OGDHL: variants seen among roughly 807,000 people sequenced by gnomAD.
OGDHL encodes oxoglutarate dehydrogenase L, also known as 2-oxoglutarate dehydrogenase-like, mitochondrial.
In OGDHL, 79 loss-of-function variants were observed where a neutral mutation model predicts 109.6. The ratio of observed to expected loss-of-function variants is 0.72; its 90% CI spans 0.60 to 0.87. The LOEUF (loss-of-function observed/expected upper bound fraction) is 0.87. Ranked by LOEUF, OGDHL falls within the 40% of genes least tolerant of loss-of-function variation. OGDHL has a pLI of 0.00. For synonymous variants in OGDHL, 528 were observed against 537.2 expected (o/e 0.98, Z 0.24); for missense variants, 1,275 against 1,362.2 (o/e 0.94, Z 1.01).
At position 49,742,915 on chromosome 10, in the gene OGDHL, A is replaced by G; in HGVS notation, c.1925T>C (p.Leu642Ser). Residue 642 changes from leucine to serine, a missense_variant, in exon 15 of 23, where the codon TTG becomes TCG. Coordinates refer to ENST00000374103, the MANE Select transcript of OGDHL (RefSeq NM_018245.3). ...MTKNRTVDWALAEYMAFGSLL... is the reference protein window; with the variant it reads ...MTKNRTVDWASAEYMAFGSLL... ...GGAGCCAAAGGCCATGTACTCTGCCAACGCCCAGTCCACCGTCCGGTTCTT... is the reference window on the plus strand; with the variant it reads ...GGAGCCAAAGGCCATGTACTCTGCCGACGCCCAGTCCACCGTCCGGTTCTT... The G allele has an allele frequency of 6.2e-7, 1 of 1,614,060 alleles. No individual in the cohort carries two copies.
chr10:49,751,050 C>T, intron 6 of OGDHL, 65 bp from the exon 7 acceptor site: 1 of 1,452,484 alleles, frequency 6.9e-7, no homozygotes, highest in Non-Finnish European at 9.4e-7. Flanking sequence ...CTGGGGCTCA[C>T]AGGGGCTGTT....
At chr10:49,743,086 T>C in intron 14 of OGDHL, 108 bp from the exon 15 acceptor site, 1 of 1,405,446 alleles carries the variant, frequency 7.1e-7, no homozygotes, top group South Asian at 1.4e-5. Flanking sequence ...CATCTGTTGA[T>C]TTGGTTGGAG....
At chr10:49,738,343 G>GTA in intron 17 of OGDHL, 81 bp from the exon 18 acceptor site, 2 of 1,493,740 alleles carry the variant, frequency 1.3e-6, no homozygotes, top group Non-Finnish European at 1.8e-6. Flanking sequence ...CAGGCTCAGG[G>GTA]GAAAGTCTGG....
chr10:49,747,813 C>T (rs969268942), intron 8 of OGDHL, among the ~76,000 whole-genome samples: 2 of 152,076 alleles, frequency 1.3e-5, no homozygotes, highest in Non-Finnish European at 2.9e-5. Flanking sequence ...ATGTACAAAA[C>T]GCTTTTACAA....
chr10:49,759,512 G>A (rs945941694), intron 1 of OGDHL, among the ~76,000 whole-genome samples: 9 of 48,934 alleles, frequency 1.8e-4, no homozygotes, highest in Admixed American at 2.4e-4. Flanking sequence ...TTCCGCAGAC[G>A]GTAAGAGTTC....
At chr10:49,735,391 A>C (rs959945610) in intron 22 of OGDHL, 40 bp from the exon 23 acceptor site, 1 of 1,599,950 alleles carries the variant, frequency 6.3e-7, no homozygotes, top group Non-Finnish European at 8.5e-7. Context: ...GGCGGGGCCT[A>C]GCCGCCCCCC....
intron 17 of OGDHL, chr10:49,738,961 A>G (rs1343289086): frequency 6.5e-6 from 1 of 152,988 alleles, no homozygotes; most frequent in African/African-American, 2.4e-5. Context: ...GGCAGCCCCA[A>G]GCAGGGAGCC....
intron 10 of OGDHL, 95 bp downstream of exon 10, chr10:49,746,655 C>G (rs1842204576): frequency 6.6e-7 from 1 of 1,513,052 alleles, no homozygotes; most frequent in Admixed American, 1.8e-5. Flanking sequence ...GCAGTGGGCT[C>G]AGAGCCAGGA....
rs372150856 is a variant in OGDHL at position 49,739,890 on chromosome 10, T to C, written c.2141-51A>G. ...GCTGCACACAGTCACCAAGTGGCAG[T>C]GGCTCCAGTCAAATTTAGCCTTTCT... On this transcript the variant is annotated intron_variant, in intron 16 of 22. Coordinates refer to ENST00000374103, the MANE Select transcript of OGDHL (RefSeq NM_018245.3). The C allele has an allele frequency of 3.7e-5, 58 of 1,567,012 alleles. No individual in the cohort carries two copies. In the African/African-American group the frequency reaches 7.0e-4, roughly 19 times the overall value.
intron 7 of OGDHL, 70 bp from the exon 8 acceptor site, chr10:49,749,886 G>A (rs1842467214): frequency 7.2e-7 from 1 of 1,390,222 alleles, no homozygotes. Flanking sequence ...CCCCACTGTG[G>A]AGGCCTGGCC....
chr10:49,742,055 C>T, intron 15 of OGDHL, among the ~76,000 whole-genome samples: 1 of 99,946 alleles, frequency 1.0e-5, no homozygotes, highest in African/African-American at 3.2e-5. Flanking sequence ...ATCACACGCA[C>T]ACCACACTAC....
chr10:49,742,423 CACACCACACAT>C (rs1841818683), intron 15 of OGDHL, among the ~76,000 whole-genome samples: 1 of 390 alleles, frequency 2.6e-3, no homozygotes, highest in African/African-American at 6.8e-3. Flanking sequence ...TACACACATA[CACACCACACAT>C]ACAACAAACA....
chr10:49,754,066 T>C (rs556143917), intron 3 of OGDHL, among the ~76,000 whole-genome samples: 9 of 152,264 alleles, frequency 5.9e-5, no homozygotes, highest in African/African-American at 1.2e-4. Flanking sequence ...CCCACATTTG[T>C]AGCACGTTAG....
Position 49,739,697 on chromosome 10 carries a change from G to A in OGDHL, c.2283C>T (p.Gly761=). The A allele has an allele frequency of 6.2e-6, 10 of 1,614,044 alleles. No individual in the cohort carries two copies. Among genetic ancestry groups the A allele is most frequent in the Non-Finnish European group, 7.6e-6 (9 of 1,179,958 alleles). ...TGQAKWVRHN[G]IVLLLPHGME... ...TGCCATGGGGCAGCAGCAGCACAAT[G>A]CCATTATGCCGCACCCACTTGGCCT... The change falls in exon 17 of 23, where the codon GGC becomes GGT. Residue 761 remains glycine, a synonymous_variant. Coordinates refer to ENST00000374103, the MANE Select transcript of OGDHL (RefSeq NM_018245.3).
intron 15 of OGDHL, among the ~76,000 whole-genome samples, chr10:49,741,336 A>AC (rs1471718662): frequency 6.6e-6 from 1 of 151,990 alleles, no homozygotes; most frequent in Non-Finnish European, 1.5e-5. Flanking sequence ...GCCTGGCTGA[A>AC]CCCCAGTCCC....
At chr10:49,744,939 C>T (rs1364069602) in intron 12 of OGDHL, among the ~76,000 whole-genome samples, 187 bp from the exon 13 acceptor site, 1 of 152,176 alleles carries the variant, frequency 6.6e-6, no homozygotes, top group African/African-American at 2.4e-5. Context: ...ACAGGTACCC[C>T]GAGGCTGGGC....
In OGDHL at chr10:49,738,049, C is replaced by T; in HGVS notation, c.2415G>A (p.Val805=). 2 of 1,614,142 alleles carry T rather than the reference C, an allele frequency of 1.2e-6. No individual in the cohort carries two copies. Among genetic ancestry groups the T allele is most frequent in the Non-Finnish European group, 8.5e-7 (1 of 1,180,008 alleles). Residue 805 remains valine, a synonymous_variant, in exon 19 of 23, where the codon GTG becomes GTA. Transcript: ENST00000374103. Reference sequence around the variant, plus strand: ...TCCAGTTGCAGTCATAGAGCTGGCTCACCTCGAAGTCCTTGGTGAATGCCT... The same window carrying T: ...TCCAGTTGCAGTCATAGAGCTGGCTTACCTCGAAGTCCTTGGTGAATGCCT... ...AYPAFTKDFE[V]SQLYDCNWIV... is the part of the protein sequence containing the mutation.
intron 7 of OGDHL, among the ~76,000 whole-genome samples, chr10:49,750,282 G>A (rs966334374): frequency 6.6e-6 from 1 of 152,278 alleles, no homozygotes; most frequent in Middle Eastern, 3.4e-3. Flanking sequence ...GGCCACAGAC[G>A]TCTCTGTCCC....
At chr10:49,738,303 T>C (rs774686079) in intron 17 of OGDHL, 41 bp from the exon 18 acceptor site, 9 of 1,608,554 alleles carry the variant, frequency 5.6e-6, no homozygotes, top group Non-Finnish European at 7.6e-6. Context: ...GACCCCACCA[T>C]GGGAAAGACA....
Sources: gnomAD v4.1 joint callset for allele counts (sites outside exome capture counted in the v4.1 genomes callset) on GRCh38, gnomAD v4.1.1 for gene constraint, MANE v1.5 for transcripts, NCBI Gene and HGNC (gene_info 2026-07-23, HGNC 2026-07-21) for gene names.